Variants in SGCZ observed in about 807,000 individuals in gnomAD.
The protein encoded by SGCZ is sarcoglycan zeta.
In SGCZ, 40 loss-of-function variants were observed where a neutral mutation model predicts 41.3. That is an observed-to-expected ratio of 0.97 (90% CI 0.75 to 1.26). The LOEUF (loss-of-function observed/expected upper bound fraction) is 1.26. Ranked by LOEUF, SGCZ falls within the 50% of genes most tolerant of loss-of-function variation. SGCZ has a pLI of 0.00. For missense variants in SGCZ, 552 were observed against 369.8 expected (o/e 1.49, Z -4.04); for synonymous variants, 206 against 137.5 (o/e 1.50, Z -3.49).
chr8:14,531,321 A>G lies in SGCZ; in HGVS notation c.234+23411T>C, dbSNP rs182395642. Among the ~76,000 whole-genome samples the G allele has an allele frequency of 3.9e-3, 594 of 152,096 alleles. 12 individuals are homozygous for G. Among genetic ancestry groups the G allele is most frequent in the Admixed American group, 0.026 (390 of 15,248 alleles). On this transcript the variant is annotated intron_variant, in intron 2 of 7. Transcript: ENST00000382080. ...CTGAGAGCATTCTTCCTGTTGCTCA[A>G]TAAAATTCTACTCTGCCTTACTCAT... is the stretch of plus-strand genomic sequence containing the variant.
chr8:14,127,382 C>T (rs1039225959), intron 5 of SGCZ, among the ~76,000 whole-genome samples: 2 of 152,110 alleles, frequency 1.3e-5, no homozygotes, highest in Non-Finnish European at 2.9e-5. Context: ...AGTGGCAAAG[C>T]ATATGCCAAT....
At chr8:14,680,519 TA>T (rs1808407593) in intron 1 of SGCZ, among the ~76,000 whole-genome samples, 2 of 152,116 alleles carry the variant, frequency 1.3e-5, no homozygotes, top group South Asian at 2.1e-4. Context: ...AATTATCTAT[TA>T]AAAATGAAAT....
At chr8:14,797,766 G>A (rs989512938) in intron 1 of SGCZ, among the ~76,000 whole-genome samples, 2 of 152,130 alleles carry the variant, frequency 1.3e-5, no homozygotes, top group Non-Finnish European at 2.9e-5. Context: ...GTGGGTCCAG[G>A]GCCCCCTTGC....
chr8:14,564,027 A>G (rs1190259553), intron 1 of SGCZ, among the ~76,000 whole-genome samples: 2 of 152,224 alleles, frequency 1.3e-5, no homozygotes, highest in Non-Finnish European at 2.9e-5. Context: ...AAATTAAAAT[A>G]TAAATTGAGC....
At chr8:14,135,048 T>C (rs73522461) in intron 5 of SGCZ, among the ~76,000 whole-genome samples, 28,297 of 152,096 alleles carry the variant, frequency 0.19, 3,443 homozygotes, top group East Asian at 0.63. Context: ...ATGGTCAAAA[T>C]TGCTTAAAAT....
At position 14,164,623 on chromosome 8, in the gene SGCZ, A is replaced by G; in HGVS notation, c.504T>C (p.Asp168=). 6.2e-7 allele frequency: 1 copy of G among 1,613,624 alleles called. No homozygotes were observed. The highest frequency in any genetic ancestry group is 2.2e-5 in the East Asian group (1 of 44,854). ...CAGCCCCAATGGTAATCTCATCTTC[A>G]TCTGCAGAAAACAGCACCCTGCCAT... ...SEDGRVLFSA[D]EDEITIGAEK... The change falls in exon 5 of 8, where the codon GAT becomes GAC. Residue 168 remains aspartate, a synonymous_variant. Coordinates refer to ENST00000382080, the MANE Select transcript of SGCZ (RefSeq NM_139167.4).
At chr8:14,545,133 G>T (rs1040364848) in intron 2 of SGCZ, among the ~76,000 whole-genome samples, 1 of 151,998 alleles carries the variant, frequency 6.6e-6, no homozygotes, top group Non-Finnish European at 1.5e-5. Context: ...ATGGAAAATA[G>T]AAAGAACCTA....
At chr8:14,859,077 A>G (rs1232244749) in intron 1 of SGCZ, among the ~76,000 whole-genome samples, 1 of 152,164 alleles carries the variant, frequency 6.6e-6, no homozygotes, top group African/African-American at 2.4e-5. Context: ...GAAAATAGCA[A>G]CTTCAGTCAA....
At chr8:14,135,114 A>G (rs952314887) in intron 5 of SGCZ, among the ~76,000 whole-genome samples, 8 of 152,206 alleles carry the variant, frequency 5.3e-5, no homozygotes, top group African/African-American at 1.9e-4. Context: ...CATAAATTCT[A>G]CATTAACAGG....
chr8:14,368,702 T>C (rs1270346489), intron 2 of SGCZ, among the ~76,000 whole-genome samples: 4 of 151,572 alleles, frequency 2.6e-5, no homozygotes, highest in South Asian at 2.1e-4. Flanking sequence ...AGTGAACAGA[T>C]ACATCCTAAG....
intron 1 of SGCZ, among the ~76,000 whole-genome samples, chr8:14,717,907 A>T (rs1809743763): frequency 6.6e-6 from 1 of 151,760 alleles, no homozygotes; most frequent in South Asian, 2.1e-4. Context: ...TAAAATCTGC[A>T]TCAGATTTAT....
chr8:14,537,654 A>C (rs548213427), intron 2 of SGCZ, among the ~76,000 whole-genome samples: 2 of 151,172 alleles, frequency 1.3e-5, no homozygotes, highest in African/African-American at 4.9e-5. Flanking sequence ...ACTGTTCTCT[A>C]TCTCTCACCA....
At chr8:14,374,773 G>A (rs1168592377) in intron 2 of SGCZ, among the ~76,000 whole-genome samples, 1 of 152,054 alleles carries the variant, frequency 6.6e-6, no homozygotes, top group African/African-American at 2.4e-5. Context: ...GGCAATTGAG[G>A]GTGTATGAAT....
chr8:14,242,643 A>G (rs765044855), intron 3 of SGCZ, among the ~76,000 whole-genome samples: 5 of 152,158 alleles, frequency 3.3e-5, no homozygotes, highest in Non-Finnish European at 5.9e-5. Flanking sequence ...CCTCAATTTA[A>G]CTATAGTATT....
At chr8:14,204,566 T>G (rs1196811227) in intron 4 of SGCZ, among the ~76,000 whole-genome samples, 1 of 152,098 alleles carries the variant, frequency 6.6e-6, no homozygotes, top group Non-Finnish European at 1.5e-5. Context: ...TGGTAAAGCA[T>G]TATTTCTGGG....
At chr8:14,370,077 A>G (rs550447026) in intron 2 of SGCZ, among the ~76,000 whole-genome samples, 1 of 152,014 alleles carries the variant, frequency 6.6e-6, no homozygotes, top group African/African-American at 2.4e-5. Flanking sequence ...ATTATGCTGG[A>G]GCTCTGTGGA....
chr8:14,481,810 C>A lies in SGCZ; in HGVS notation c.234+72922G>T, dbSNP rs534441852. On this transcript the variant is annotated intron_variant, in intron 2 of 7. Coordinates refer to ENST00000382080, the MANE Select transcript of SGCZ (RefSeq NM_139167.4). ...GGTTCCATCTCTAATCAAGGGATAA[C>A]CGATTCCTTTATAAACAGCTGGAAA... Among the ~76,000 whole-genome samples, 253 of 152,270 alleles carry A rather than the reference C, an allele frequency of 1.7e-3. 3 individuals are homozygous for A. The highest frequency in any genetic ancestry group is 0.015 in the South Asian group (72 of 4,828).
rs1347119244 is a variant in SGCZ, at chr8:14,089,600, T to TTTA, written c.*842_*843insTAA. Among the ~76,000 whole-genome samples the TTTA allele has an allele frequency of 6.6e-6, 1 of 152,070 alleles. No individual in the cohort carries two copies. The highest frequency in any genetic ancestry group is 2.4e-5 in the African/African-American group (1 of 41,436). The stretch of plus-strand genomic sequence containing the variant: ...ATTTTTTAAAAATCATCTATGGATT[T>TTTA]AATACCATCAACATATCCTTCTTAA... On this transcript the variant is annotated 3_prime_UTR_variant, in exon 8 of 8. Transcript: ENST00000382080.
chr8:14,547,538 T>C (rs536820941), intron 2 of SGCZ, among the ~76,000 whole-genome samples: 51 of 152,206 alleles, frequency 3.4e-4, no homozygotes, highest in Non-Finnish European at 3.8e-4. Flanking sequence ...TAACTTTCAT[T>C]AGTCACAGCT....
Sources: gnomAD v4.1 joint callset for allele counts (sites outside exome capture counted in the v4.1 genomes callset) on GRCh38, gnomAD v4.1.1 for gene constraint, MANE v1.5 for transcripts, NCBI Gene and HGNC (gene_info 2026-07-23, HGNC 2026-07-21) for gene names.